The following RGS6 variants were observed in gnomAD, a reference collection of about 807,000 sequenced individuals.
The protein encoded by RGS6 is regulator of G-protein signaling 6.
A neutral mutation model predicts 78.5 loss-of-function variants in RGS6; 30 were observed. The observed-to-expected ratio is 0.38, with a 90% CI of 0.29 to 0.52. The LOEUF is 0.52. Ranked by LOEUF, RGS6 falls within the 20% of genes least tolerant of loss-of-function variation. The probability of loss-of-function intolerance (pLI) is 0.85; values close to 1 mark genes in which losing one functional copy is unlikely to be tolerated. For synonymous variants in RGS6, 206 were observed against 206.0 expected, an observed-to-expected ratio of 1.00 and a Z score of 0.00; for missense variants, 495 against 609.7, an observed-to-expected ratio of 0.81 and a Z score of 1.98.
intron 2 of RGS6, among the ~76,000 whole-genome samples, chr14:72,206,070 C>G (rs574586202): frequency 1.3e-5 from 2 of 152,126 alleles, no homozygotes; most frequent in South Asian, 4.1e-4. Flanking sequence ...CAGTACTGTT[C>G]ATAGTAAGAA....
chr14:72,491,675 C>G (rs536312323), intron 12 of RGS6, among the ~76,000 whole-genome samples: 130 of 152,068 alleles, frequency 8.5e-4, no homozygotes, highest in Middle Eastern at 6.8e-3. Context: ...TTTCTGTATG[C>G]CTGAAATATT....
At chr14:72,111,001 A>G (rs973359886) in intron 2 of RGS6, among the ~76,000 whole-genome samples, 1 of 152,134 alleles carries the variant, frequency 6.6e-6, no homozygotes, top group Admixed American at 6.5e-5. Flanking sequence ...GTTACTTTCC[A>G]GTCTTTAACC....
chr14:72,113,219 G>C (rs2283418), intron 2 of RGS6, among the ~76,000 whole-genome samples: 76,552 of 152,106 alleles, frequency 0.5, 19,493 homozygotes, highest in Admixed American at 0.54. Flanking sequence ...CCTTATATTA[G>C]TGTACCTTGT....
intron 2 of RGS6, among the ~76,000 whole-genome samples, chr14:72,060,321 G>T (rs924112277): frequency 6.7e-6 from 1 of 148,564 alleles, no homozygotes; most frequent in Non-Finnish European, 1.5e-5. Flanking sequence ...TTACATAATT[G>T]CTTATAATCT....
intron 3 of RGS6, among the ~76,000 whole-genome samples, chr14:72,387,225 C>G (rs1022632066): frequency 6.6e-6 from 1 of 152,066 alleles, no homozygotes; most frequent in Admixed American, 6.5e-5. Context: ...TAGGCCCACC[C>G]TAAATCCAAT....
At chr14:72,464,308 T>G (rs1322769439) in intron 6 of RGS6, among the ~76,000 whole-genome samples, 2 of 152,204 alleles carry the variant, frequency 1.3e-5, no homozygotes, top group Admixed American at 6.5e-5. Flanking sequence ...ATTAATTTCA[T>G]TGAGACGTGT....
intron 3 of RGS6, among the ~76,000 whole-genome samples, chr14:72,398,971 A>G (rs2091936280): frequency 1.3e-5 from 2 of 151,928 alleles, no homozygotes; most frequent in Admixed American, 6.6e-5. Context: ...TTTACTTCCA[A>G]CTATGTGGTC....
intron 2 of RGS6, among the ~76,000 whole-genome samples, chr14:72,041,873 T>C (rs2092432450): frequency 6.6e-6 from 1 of 152,156 alleles, no homozygotes; most frequent in Non-Finnish European, 1.5e-5. Flanking sequence ...TCAAATTTTA[T>C]ACTTATCAGT....
At chr14:71,869,318 A>G in the RGS6 span, among the ~76,000 whole-genome samples, 3 of 152,176 alleles carry the variant, frequency 2.0e-5, no homozygotes, top group African/African-American at 7.2e-5. Flanking sequence ...TTATACCAAC[A>G]AGTGATCACT....
At chr14:72,484,135 T>G (rs921323595) in intron 12 of RGS6, among the ~76,000 whole-genome samples, 1 of 152,216 alleles carries the variant, frequency 6.6e-6, no homozygotes, top group African/African-American at 2.4e-5. Context: ...GAGCGAGGCG[T>G]GCCAGCATGC....
intron 17 of RGS6, among the ~76,000 whole-genome samples, chr14:72,556,404 C>T (rs1196770059): frequency 6.6e-6 from 1 of 152,166 alleles, no homozygotes; most frequent in Non-Finnish European, 1.5e-5. Context: ...ATCCAATCAC[C>T]TCCCACTAGT....
At chr14:71,898,628 G>A in the RGS6 span, among the ~76,000 whole-genome samples, 79,836 of 151,994 alleles carry the variant, frequency 0.53, 24,088 homozygotes, top group Non-Finnish European at 0.68. Context: ...TTTAAGCCCC[G>A]CATGCGTTAG....
rs980904831 is a variant in RGS6 at position 72,507,042 on chromosome 14, G to A, written c.966-3112G>A. 2.9e-4 allele frequency among the ~76,000 whole-genome samples: 43 copies of A among 149,008 alleles called. 1 individual carries two copies. Among genetic ancestry groups the A allele is most frequent in the Admixed American group, 6.8e-4 (10 of 14,666 alleles). On this transcript the variant is annotated intron_variant, in intron 13 of 17. Coordinates refer to ENST00000553525, the MANE Select transcript of RGS6 (RefSeq NM_001204424.2). ...AAATTAGCTGGCCATGGTGGCGGGT[G>A]CCTGTAGTCCCAGCTACTCAGGAGG...
chr14:72,601,027 A>C, the RGS6 span, among the ~76,000 whole-genome samples: 1 of 127,364 alleles, frequency 7.9e-6, no homozygotes, highest in Non-Finnish European at 1.8e-5. Flanking sequence ...GAGGAGGGGG[A>C]GGAGGAAGAG....
intron 3 of RGS6, among the ~76,000 whole-genome samples, chr14:72,450,227 T>C (rs987738453): frequency 6.6e-6 from 1 of 152,110 alleles, no homozygotes; most frequent in Non-Finnish European, 1.5e-5. Flanking sequence ...GTTCTCAAGA[T>C]GCTTTTCCAC....
At chr14:72,270,270 T>TGCCCAC (rs386381730) in intron 2 of RGS6, among the ~76,000 whole-genome samples, 1 of 151,940 alleles carries the variant, frequency 6.6e-6, no homozygotes, top group Non-Finnish European at 1.5e-5. Flanking sequence ...ACGAGGTTCA[T>TGCCCAC]GCCCACAGTA....
At chr14:72,279,432 C>T (rs2153947454) in intron 2 of RGS6, among the ~76,000 whole-genome samples, 1 of 152,262 alleles carries the variant, frequency 6.6e-6, no homozygotes, top group East Asian at 1.9e-4. Context: ...TGAGCTCACA[C>T]ACCCAATCCA....
At chr14:72,495,591 C>T (rs1407212125) in intron 13 of RGS6, among the ~76,000 whole-genome samples, 2 of 152,118 alleles carry the variant, frequency 1.3e-5, no homozygotes, top group African/African-American at 4.8e-5. Context: ...ATGATAATAG[C>T]TGGCACGTAT....
At chr14:71,995,463 C>G (rs1051347160) in intron 2 of RGS6, among the ~76,000 whole-genome samples, 3 of 152,314 alleles carry the variant, frequency 2.0e-5, no homozygotes, top group Admixed American at 1.3e-4. Flanking sequence ...TGGAAAGCTT[C>G]AGATCATTCT....
Sources: gnomAD v4.1 joint callset for allele counts (sites outside exome capture counted in the v4.1 genomes callset) on GRCh38, gnomAD v4.1.1 for gene constraint, MANE v1.5 for transcripts, NCBI Gene and HGNC (gene_info 2026-07-23, HGNC 2026-07-21) for gene names.